The following CAMK1D variants were observed in gnomAD, a reference collection of about 807,000 sequenced individuals.
CAMK1D encodes calcium/calmodulin-dependent protein kinase type 1D.
CAMK1D carries 9 observed loss-of-function variants against 47.7 expected under a neutral mutation model. The ratio of observed to expected loss-of-function variants is 0.19; its 90% confidence interval spans 0.11 to 0.33. The LOEUF (loss-of-function observed/expected upper bound fraction) is 0.33. Among genes scored for constraint, CAMK1D ranks in the 10% least tolerant of loss-of-function variants. The pLI, the probability that CAMK1D is intolerant of heterozygous loss-of-function variation, is 1.00. For synonymous variants in CAMK1D, 184 were observed against 184.9 expected, an observed-to-expected ratio of 0.99 and a Z score of 0.04; for missense variants, 291 against 488.7, an observed-to-expected ratio of 0.60 and a Z score of 3.81.
intron 1 of CAMK1D, among the ~76,000 whole-genome samples, chr10:12,459,229 A>T (rs78846745): frequency 2.0e-5 from 3 of 152,064 alleles, no homozygotes; most frequent in Non-Finnish European, 4.4e-5. Context: ...AGTTTCAAAT[A>T]AAAAAAACCA....
At chr10:12,732,234 C>T (rs1272781030) in intron 3 of CAMK1D, among the ~76,000 whole-genome samples, 14 of 152,128 alleles carry the variant, frequency 9.2e-5, no homozygotes, top group Non-Finnish European at 2.9e-5. Flanking sequence ...GAGAAAGACT[C>T]TGTCTAAAAC....
chr10:12,825,590 G>A lies in CAMK1D; in HGVS notation c.939G>A (p.Thr313=), dbSNP rs376764853. ...AATTTCAGCAAGCATTTAATGCCAC[G>A]GCCGTCGTCAGACATATGAGAAAAC... The part of the protein sequence containing the change: ...KSKWRQAFNA[T]AVVRHMRKLH... The change falls in exon 10 of 11, where the codon ACG becomes ACA. Residue 313 remains threonine, a synonymous_variant. Transcript: ENST00000619168. 2.0e-5 allele frequency: 32 copies of A among 1,605,198 alleles called. No homozygotes were observed. The highest frequency in any genetic ancestry group is 8.7e-5 in the Admixed American group (5 of 57,450).
intron 1 of CAMK1D, among the ~76,000 whole-genome samples, chr10:12,402,157 GTC>G (rs1395781002): frequency 1.3e-5 from 2 of 152,024 alleles, no homozygotes; most frequent in Non-Finnish European, 2.9e-5. Flanking sequence ...GGCCAGGCTG[GTC>G]TCGAACTCCT....
At chr10:12,439,573 G>T (rs762890904) in intron 1 of CAMK1D, among the ~76,000 whole-genome samples, 1 of 152,168 alleles carries the variant, frequency 6.6e-6, no homozygotes, top group Non-Finnish European at 1.5e-5. Flanking sequence ...TCGGTGAAGG[G>T]TCCCGGTTGT....
intron 2 of CAMK1D, among the ~76,000 whole-genome samples, chr10:12,647,102 A>G (rs1331479985): frequency 2.8e-5 from 4 of 144,722 alleles, no homozygotes; most frequent in South Asian, 2.2e-4. Context: ...CAGCCTCCCA[A>G]AGTGCTGGGA....
intron 2 of CAMK1D, among the ~76,000 whole-genome samples, chr10:12,641,794 C>G (rs1200529592): frequency 6.6e-6 from 1 of 151,966 alleles, no homozygotes; most frequent in Non-Finnish European, 1.5e-5. Context: ...CATGTAATCC[C>G]AAAACTTTGG....
At chr10:12,668,931 CA>C (rs972470901) in intron 3 of CAMK1D, among the ~76,000 whole-genome samples, 4 of 151,696 alleles carry the variant, frequency 2.6e-5, no homozygotes, top group Non-Finnish European at 4.4e-5. Flanking sequence ...AAACAAAAAA[CA>C]AAAAACAAAA....
chr10:12,425,288 T>TTTC (rs1564332159), intron 1 of CAMK1D, among the ~76,000 whole-genome samples: 114 of 102,718 alleles, frequency 1.1e-3, no homozygotes, highest in African/African-American at 3.2e-3. Flanking sequence ...TTCTTTCTTT[T>TTTC]TTTTTTTTTT....
intron 1 of CAMK1D, among the ~76,000 whole-genome samples, chr10:12,364,022 G>A (rs1022904151): frequency 2.6e-5 from 4 of 151,988 alleles, no homozygotes; most frequent in Admixed American, 6.6e-5. Context: ...TTCAGGAACC[G>A]CCATACTGTT....
chr10:12,506,851 CCCCGAG>C (rs1245846139), intron 1 of CAMK1D, among the ~76,000 whole-genome samples: 1 of 152,128 alleles, frequency 6.6e-6, no homozygotes, highest in Non-Finnish European at 1.5e-5. Flanking sequence ...CCCTTGGTGC[CCCCGAG>C]CCCGAGGGTA....
intron 1 of CAMK1D, among the ~76,000 whole-genome samples, chr10:12,364,288 C>A (rs1180048653): frequency 7.6e-6 from 1 of 131,016 alleles, no homozygotes; most frequent in Non-Finnish European, 1.5e-5. Context: ...GTTGCCCAGG[C>A]TGGAGTGCAG....
In CAMK1D at chr10:12,375,186, C is replaced by T. The variant is rs937404463; in HGVS notation, c.92+25276C>T. Among the ~76,000 whole-genome samples, 9 of 152,148 alleles carry T rather than the reference C, an allele frequency of 5.9e-5. No individual in the cohort carries two copies. In the South Asian group the frequency reaches 6.2e-4, roughly 11 times the overall value. ...ACTTTCTTACATGTGATCTCTTACACGTGATTTTCCAAAATACCTTGCACA... is the reference window on the plus strand; with the variant it reads ...ACTTTCTTACATGTGATCTCTTACATGTGATTTTCCAAAATACCTTGCACA... On this transcript the variant is annotated intron_variant, in intron 1 of 10. Coordinates refer to ENST00000619168, the MANE Select transcript of CAMK1D (RefSeq NM_153498.4).
At position 12,460,024 on chromosome 10, in the gene CAMK1D, G is replaced by A. The variant is rs149923696; in HGVS notation, c.93-93201G>A. Among the ~76,000 whole-genome samples the A allele has an allele frequency of 1.8e-3, 268 of 152,216 alleles. 1 individual carries two copies. Among genetic ancestry groups the A allele is most frequent in the African/African-American group, 4.9e-3 (204 of 41,518 alleles). On this transcript the variant is annotated intron_variant, in intron 1 of 10. Coordinates refer to ENST00000619168, the MANE Select transcript of CAMK1D (RefSeq NM_153498.4). ...TAGCTCCATCTGACATGGAACCGGC[G>A]TATTCACAAGCATTGCTAGATCTGT...
intron 1 of CAMK1D, among the ~76,000 whole-genome samples, chr10:12,432,376 T>C (rs1353358811): frequency 6.6e-6 from 1 of 152,240 alleles, no homozygotes; most frequent in Non-Finnish European, 1.5e-5. Flanking sequence ...CAGATCCAGC[T>C]GGGGCCTGGT....
At chr10:12,704,591 T>A (rs1271590744) in intron 3 of CAMK1D, among the ~76,000 whole-genome samples, 1 of 152,098 alleles carries the variant, frequency 6.6e-6, no homozygotes, top group Non-Finnish European at 1.5e-5. Context: ...ACCCCAAGAA[T>A]GATTCATCAA....
intron 1 of CAMK1D, among the ~76,000 whole-genome samples, chr10:12,492,248 T>A (rs1160404248): frequency 6.6e-6 from 1 of 151,416 alleles, no homozygotes; most frequent in Non-Finnish European, 1.5e-5. Flanking sequence ...TGGCAGAGCC[T>A]GAGCCGCCAT....
At chr10:12,721,110 A>G (rs1193386872) in intron 3 of CAMK1D, among the ~76,000 whole-genome samples, 1 of 142,114 alleles carries the variant, frequency 7.0e-6, no homozygotes. Flanking sequence ...AAACATGCGC[A>G]TGCCCAATCA....
intron 2 of CAMK1D, among the ~76,000 whole-genome samples, chr10:12,564,113 C>T (rs1480550728): frequency 1.4e-5 from 2 of 146,706 alleles, no homozygotes; most frequent in Non-Finnish European, 3.0e-5. Context: ...ATCTGTCTGT[C>T]TAGATGTCTC....
At position 12,719,706 on chromosome 10, in the gene CAMK1D, G is replaced by A. The variant is rs553318256; in HGVS notation, c.300-41242G>A. Among the ~76,000 whole-genome samples, 6 of 152,254 alleles carry A rather than the reference G, an allele frequency of 3.9e-5. No homozygotes were observed. The East Asian group carries it at 5.8e-4, about 15-fold the overall frequency. ...CCCAGTGCCAGCACTGAACCACTGC[G>A]TCCCTGCCACTCTTACTCCTCCTCC... On this transcript the variant is annotated intron_variant, in intron 3 of 10. Transcript: ENST00000619168.
Sources: allele counts gnomAD v4.1 joint callset (sites outside exome capture counted in the v4.1 genomes callset), GRCh38; gene constraint gnomAD v4.1.1; transcripts MANE v1.5; gene names NCBI Gene and HGNC (gene_info 2026-07-23, HGNC 2026-07-21).